Variants in KIRREL3 observed in about 807,000 individuals in gnomAD.
The protein encoded by KIRREL3 is kin of IRRE-like protein 3.
KIRREL3 carries 36 observed loss-of-function variants against 89.7 expected under a neutral mutation model. The ratio of observed to expected loss-of-function variants is 0.40; its 90% CI spans 0.31 to 0.53. KIRREL3 has a LOEUF of 0.53. Ranked by LOEUF, KIRREL3 falls within the 20% of genes least tolerant of loss-of-function variation. The pLI, the probability that KIRREL3 is intolerant of heterozygous loss-of-function variation, is 0.49. For missense variants in KIRREL3, 864 were observed against 1,056.6 expected, an observed-to-expected ratio of 0.82 and a Z score of 2.53; for synonymous variants, 445 against 441.4, an observed-to-expected ratio of 1.01 and a Z score of -0.10.
rs56325662 is a variant in KIRREL3 at position 126,681,609 on chromosome 11, G to GACACACAC, written c.56-118705_56-118698dup. On this transcript the variant is annotated intron_variant, in intron 1 of 16. Transcript: ENST00000525144. ...GTGTGCTCCTGGGAATGTATATACA[G>GACACACAC]ACACACACACACACACACCAGATCA... is the stretch of plus-strand genomic sequence containing the variant. Among the ~76,000 whole-genome samples the GACACACAC allele has an allele frequency of 2.3e-3, 349 of 150,302 alleles. 3 individuals are homozygous for GACACACAC. The highest frequency in any genetic ancestry group is 5.1e-3 in the East Asian group (26 of 5,094).
chr11:126,644,074 A>G (rs1421171665), intron 1 of KIRREL3, among the ~76,000 whole-genome samples: 3 of 152,210 alleles, frequency 2.0e-5, no homozygotes, highest in Admixed American at 2.0e-4. Context: ...AGGAAGTGGC[A>G]TCAGCCTCAT....
rs531637241 is a variant in KIRREL3 at position 126,493,471 on chromosome 11, C to T, written c.434-20005G>A. Among the ~76,000 whole-genome samples the T allele has an allele frequency of 9.9e-5, 15 of 151,908 alleles. No individual in the cohort carries two copies. In the South Asian group the frequency reaches 2.5e-3, roughly 25 times the overall value. On this transcript the variant is annotated intron_variant, in intron 4 of 16. Transcript: ENST00000525144. ...GAGATCGAGACCACCCTGGCTAACA[C>T]GGTGAAACCCCACCTCTACTAAAAA...
chr11:126,770,133 G>T (rs960254403), intron 1 of KIRREL3, among the ~76,000 whole-genome samples: 6 of 152,078 alleles, frequency 3.9e-5, no homozygotes, highest in African/African-American at 1.2e-4. Context: ...CAGTCCAGTG[G>T]GAAGCCTGAG....
chr11:126,538,608 C>G (rs558794198), intron 2 of KIRREL3, among the ~76,000 whole-genome samples: 5 of 152,066 alleles, frequency 3.3e-5, no homozygotes, highest in Non-Finnish European at 5.9e-5. Flanking sequence ...GTGACCTGCT[C>G]GGGGAACAGG....
rs1354067571 is a variant in KIRREL3 at position 126,983,270 on chromosome 11, T to C, written c.55+17185A>G. ...CGGGGGAAGGTCATTTTCTCTAACTTACAAGTAGTGAGGCTGAGGCACAGA... is the reference window on the plus strand; with the variant it reads ...CGGGGGAAGGTCATTTTCTCTAACTCACAAGTAGTGAGGCTGAGGCACAGA... On this transcript the variant is annotated intron_variant, in intron 1 of 16. Transcript: ENST00000525144. The surrounding 1 kb of genome is among the most constrained non-coding windows in gnomAD (Gnocchi z 4.9). Among the ~76,000 whole-genome samples, 1 of 152,162 alleles carries C rather than the reference T, an allele frequency of 6.6e-6. No homozygotes were observed. Among genetic ancestry groups the C allele is most frequent in the African/African-American group, 2.4e-5 (1 of 41,440 alleles).
Position 126,748,168 on chromosome 11 carries a change from A to G in KIRREL3, c.56-185256T>C, listed in dbSNP as rs1949216252. Among the ~76,000 whole-genome samples, 1 of 152,172 alleles carries G rather than the reference A, an allele frequency of 6.6e-6. No homozygotes were observed. Among genetic ancestry groups the G allele is most frequent in the Non-Finnish European group, 1.5e-5 (1 of 68,024 alleles). On this transcript the variant is annotated intron_variant, in intron 1 of 16. Transcript: ENST00000525144. This position sits in a 1 kb window ranked among gnomAD's most constrained non-coding sequence, Gnocchi z 4.6. ...GTTCCAGTGACTTCAGAGGTGGCCCAGGGCCCATCATTTGGGGGCAAGAAG... is the reference window on the plus strand; with the variant it reads ...GTTCCAGTGACTTCAGAGGTGGCCCGGGGCCCATCATTTGGGGGCAAGAAG...
chr11:126,518,394 G>A (rs1958482765), intron 4 of KIRREL3, among the ~76,000 whole-genome samples: 1 of 152,218 alleles, frequency 6.6e-6, no homozygotes, highest in African/African-American at 2.4e-5. Context: ...TACTTCGATG[G>A]AAGACCCCCG....
In KIRREL3 at chr11:126,685,232, C is replaced by A; in HGVS notation, c.56-122320G>T. 6.6e-6 allele frequency among the ~76,000 whole-genome samples: 1 copy of A among 152,268 alleles called. No individual in the cohort carries two copies. The highest frequency in any genetic ancestry group is 2.4e-5 in the African/African-American group (1 of 41,556). ...TAGCCCCAGCTCTGCTCTGGGGAGT[C>A]AGGGGCAGGGCGGCAGATGCTTGGG... On this transcript the variant is annotated intron_variant, in intron 1 of 16. Transcript: ENST00000525144. This position sits in a 1 kb window ranked among gnomAD's most constrained non-coding sequence, Gnocchi z 5.5.
At position 126,615,391 on chromosome 11, in the gene KIRREL3, T is replaced by C. The variant is rs1943301059; in HGVS notation, c.56-52479A>G. 6.6e-6 allele frequency among the ~76,000 whole-genome samples: 1 copy of C among 152,202 alleles called. No individual in the cohort carries two copies. The highest frequency in any genetic ancestry group is 6.5e-5 in the Admixed American group (1 of 15,276). On this transcript the variant is annotated intron_variant, in intron 1 of 16. Transcript: ENST00000525144. This position sits in a 1 kb window ranked among gnomAD's most constrained non-coding sequence, Gnocchi z 5.4. ...ATCTTGTTTAACTCTCCTAATGCTT[T>C]AGAAGTAAGTATATTTATTACCCCA...
rs1449086534 is a variant in KIRREL3, at chr11:126,750,797, C to T, written c.56-187885G>A. Among the ~76,000 whole-genome samples the T allele has an allele frequency of 4.6e-5, 7 of 152,188 alleles. No individual in the cohort carries two copies. Among genetic ancestry groups the T allele is most frequent in the African/African-American group, 1.7e-4 (7 of 41,452 alleles). The stretch of plus-strand genomic sequence containing the variant: ...CCAAGCTAACAAATGGTAGTGCAAA[C>T]GTTGGAACTCAGGTCCTCAGTGACT... On this transcript the variant is annotated intron_variant, in intron 1 of 16. Coordinates refer to ENST00000525144, the MANE Select transcript of KIRREL3 (RefSeq NM_032531.4). The surrounding 1 kb of genome is among the most constrained non-coding windows in gnomAD (Gnocchi z 4.2).
intron 12 of KIRREL3, among the ~76,000 whole-genome samples, chr11:126,435,886 T>C (rs11220492): frequency 0.73 from 110,746 of 151,970 alleles, 41,420 homozygotes; most frequent in African/African-American, 0.89. Flanking sequence ...CTCCTGGGCC[T>C]CAGAGGCCCA....
At chr11:126,720,370 T>A (rs1299380841) in intron 1 of KIRREL3, among the ~76,000 whole-genome samples, 2 of 152,188 alleles carry the variant, frequency 1.3e-5, no homozygotes, top group Non-Finnish European at 2.9e-5. Flanking sequence ...CATGTTTGCA[T>A]GGTGGGGCTG....
In KIRREL3 at chr11:126,771,501, T is replaced by A. The variant is rs1454111871; in HGVS notation, c.56-208589A>T. Among the ~76,000 whole-genome samples the A allele has an allele frequency of 1.3e-5, 2 of 152,188 alleles. No homozygotes were observed. Among genetic ancestry groups the A allele is most frequent in the East Asian group, 3.8e-4 (2 of 5,200 alleles). On this transcript the variant is annotated intron_variant, in intron 1 of 16. Transcript: ENST00000525144. This position sits in a 1 kb window ranked among gnomAD's most constrained non-coding sequence, Gnocchi z 4.4. ...ATCTTTTTTGGCTTTGCTGTACAGA[T>A]TGGTGCAAAAATAATCACAATTTTT... is the stretch of plus-strand genomic sequence containing the variant.
rs1946690376 is a variant in KIRREL3, at chr11:126,687,023, G to A, written c.56-124111C>T. On this transcript the variant is annotated intron_variant, in intron 1 of 16. Transcript: ENST00000525144. The surrounding 1 kb of genome is among the most constrained non-coding windows in gnomAD (Gnocchi z 4.6). ...GTAGAGGAGTATGGCTAGAAGGCAG[G>A]ACAATGAGGATGACAGGCCAGAGGT... Among the ~76,000 whole-genome samples the A allele has an allele frequency of 6.6e-6, 1 of 152,188 alleles. No individual in the cohort carries two copies. The highest frequency in any genetic ancestry group is 1.5e-5 in the Non-Finnish European group (1 of 68,036).
rs888179757 is a variant in KIRREL3 at position 126,943,252 on chromosome 11, A to G, written c.55+57203T>C. Among the ~76,000 whole-genome samples, 1 of 152,116 alleles carries G rather than the reference A, an allele frequency of 6.6e-6. No individual in the cohort carries two copies. The highest frequency in any genetic ancestry group is 1.5e-5 in the Non-Finnish European group (1 of 68,030). On this transcript the variant is annotated intron_variant, in intron 1 of 16. Transcript: ENST00000525144. The surrounding 1 kb of genome is among the most constrained non-coding windows in gnomAD (Gnocchi z 4.2). ...CTCCCATGGTAAAACATTCACCGTC[A>G]TTCTTTCTCTCTTCTCACTCACTCA...
intron 1 of KIRREL3, among the ~76,000 whole-genome samples, chr11:126,813,641 G>A (rs1388270550): frequency 2.6e-5 from 4 of 152,068 alleles, no homozygotes; most frequent in Non-Finnish European, 5.9e-5. Context: ...TTAGGACCCA[G>A]GAGCACAGAT....
At position 126,530,727 on chromosome 11, in the gene KIRREL3, G is replaced by C. The variant is rs1382812875; in HGVS notation, c.134-4040C>G. 1.3e-5 allele frequency among the ~76,000 whole-genome samples: 2 copies of C among 152,194 alleles called. No individual in the cohort carries two copies. Among genetic ancestry groups the C allele is most frequent in the Non-Finnish European group, 2.9e-5 (2 of 68,026 alleles). The stretch of plus-strand genomic sequence containing the variant: ...TGTGACACACCCAGCACCTTCCACC[G>C]GCCCAGGGTTTCCATCTTCTCCGCT... On this transcript the variant is annotated intron_variant, in intron 2 of 16. Coordinates refer to ENST00000525144, the MANE Select transcript of KIRREL3 (RefSeq NM_032531.4). This position sits in a 1 kb window ranked among gnomAD's most constrained non-coding sequence, Gnocchi z 5.8.
rs1204384993 is a variant in KIRREL3 at position 126,611,248 on chromosome 11, T to G, written c.56-48336A>C. 6.6e-6 allele frequency among the ~76,000 whole-genome samples: 1 copy of G among 152,180 alleles called. No homozygotes were observed. Among genetic ancestry groups the G allele is most frequent in the African/African-American group, 2.4e-5 (1 of 41,444 alleles). On this transcript the variant is annotated intron_variant, in intron 1 of 16. Coordinates refer to ENST00000525144, the MANE Select transcript of KIRREL3 (RefSeq NM_032531.4). The surrounding 1 kb of genome is among the most constrained non-coding windows in gnomAD (Gnocchi z 4.7). ...CTTGGCTCACAGCGCCCGGTGAATG[T>G]TAGCTGCTATTACTGTTGTTCCTAC...
chr11:126,500,519 C>A (rs909365895), intron 4 of KIRREL3, among the ~76,000 whole-genome samples: 1 of 152,264 alleles, frequency 6.6e-6, no homozygotes, highest in East Asian at 1.9e-4. Context: ...GCGAGTGGAT[C>A]ACTTGAGATC....
Sources: gnomAD v4.1 joint callset for allele counts (sites outside exome capture counted in the v4.1 genomes callset) on GRCh38, gnomAD v4.1.1 for gene constraint, Gnocchi (gnomAD v3.1) non-coding constraint, MANE v1.5 for transcripts, NCBI Gene and HGNC (gene_info 2026-07-23, HGNC 2026-07-21) for gene names.